Variants in HECTD4 observed in about 807,000 individuals in gnomAD.
The protein encoded by HECTD4 is HECT domain E3 ubiquitin protein ligase 4, also known as probable E3 ubiquitin-protein ligase HECTD4.
HECTD4 carries 114 observed loss-of-function variants against 471.5 expected under a neutral mutation model. The ratio of observed to expected loss-of-function variants is 0.24; its 90% CI spans 0.21 to 0.28. HECTD4 has a LOEUF of 0.28. HECTD4 is among the 10% of genes least tolerant of loss of function. HECTD4 has a pLI of 1.00. For missense variants in HECTD4, 3,866 were observed against 5,651.5 expected (o/e 0.68, Z 10.13); for synonymous variants, 2,012 against 2,256.0 (o/e 0.89, Z 3.07).
chr12:112,272,503 G>A (rs1372261520), intron 11 of HECTD4, among the ~76,000 whole-genome samples: 1 of 152,208 alleles, frequency 6.6e-6, no homozygotes, highest in Non-Finnish European at 1.5e-5. Flanking sequence ...TGTATTTCGG[G>A]AGAAGTGCAG....
At position 112,231,745 on chromosome 12, in the gene HECTD4, T is replaced by C. The variant is rs373686655; in HGVS notation, c.5998-30A>G. On this transcript the variant is annotated intron_variant, in intron 38 of 75. Coordinates refer to ENST00000682272, the MANE Select transcript of HECTD4 (RefSeq NM_001388303.1). ...GGTGAGGTTGAAGACGCTGAGAAGATTCATTTCAGTCTTCCCAGCACTATA... is the reference window on the plus strand; with the variant it reads ...GGTGAGGTTGAAGACGCTGAGAAGACTCATTTCAGTCTTCCCAGCACTATA... 7 of 1,557,728 alleles carry C rather than the reference T, an allele frequency of 4.5e-6. No homozygotes were observed. In the African/African-American group the frequency reaches 5.4e-5, roughly 12 times the overall value.
chr12:112,298,184 T>C (rs768718419), intron 7 of HECTD4, among the ~76,000 whole-genome samples: 5 of 152,078 alleles, frequency 3.3e-5, no homozygotes, highest in Non-Finnish European at 7.4e-5. Context: ...GCCAAAAAAA[T>C]AGAGTGCCTT....
chr12:112,240,298 G>C (rs1189847103), intron 32 of HECTD4, among the ~76,000 whole-genome samples: 1 of 152,180 alleles, frequency 6.6e-6, no homozygotes, highest in Non-Finnish European at 1.5e-5. Flanking sequence ...ACTTTTCAGA[G>C]CCTTCAGTAA....
At position 112,256,674 on chromosome 12, in the gene HECTD4, A is replaced by C. The variant is rs551645848; in HGVS notation, c.3129-156T>G. 3.3e-5 allele frequency: 14 copies of C among 427,080 alleles called. No homozygotes were observed. In the South Asian group the frequency reaches 1.6e-3, roughly 49 times the overall value. The allele number at this position is 427,080 out of a possible 1,614,324, so 26.5% of individuals were successfully genotyped here. On this transcript the variant is annotated intron_variant, in intron 20 of 75. Transcript: ENST00000682272. ...CAGTGGCAATCAGAAACATTTTAAAAATTCCTACATTTAAGGGTTTTTTCT... is the reference window on the plus strand; with the variant it reads ...CAGTGGCAATCAGAAACATTTTAAACATTCCTACATTTAAGGGTTTTTTCT...
chr12:112,229,690 G>T lies in HECTD4; in HGVS notation c.6519+8C>A. ...AAGCAATGATTTGGGGAACATGGTG[G>T]TTGGTACCTGAACCTCGGATCCTAT... On this transcript the variant is annotated splice_region_variant and intron_variant, in intron 41 of 75. Transcript: ENST00000682272. 6.2e-7 allele frequency: 1 copy of T among 1,605,268 alleles called. No individual in the cohort carries two copies. The highest frequency in any genetic ancestry group is 8.5e-7 in the Non-Finnish European group (1 of 1,174,118).
At position 112,179,318 on chromosome 12, in the gene HECTD4, G is replaced by C; in HGVS notation, c.11067C>G (p.Ser3689Arg). The C allele has an allele frequency of 6.2e-7, 1 of 1,613,336 alleles. No homozygotes were observed. The highest frequency in any genetic ancestry group is 8.5e-7 in the Non-Finnish European group (1 of 1,179,624). Residue 3689 changes from serine (S) to arginine (R), a missense_variant, in exon 63 of 76, where the codon AGC (serine) becomes AGG (arginine). Physicochemically the swap from Ser to Arg is moderately radical, Grantham distance 110. Coordinates refer to ENST00000682272, the MANE Select transcript of HECTD4 (RefSeq NM_001388303.1). This position sits in a 1 kb window ranked among gnomAD's most constrained non-coding sequence, Gnocchi z 4.3. ...CTCTGATGGGCTTCGCTGGTGTCAG[G>C]CTCAGCGTCTGCTCTGAATGGGCAC... Reference protein sequence around the residue: ...KSCAHSEQTLSLTPAKPIRVS... With the variant: ...KSCAHSEQTLRLTPAKPIRVS...
At position 112,162,690 on chromosome 12, in the gene HECTD4, G is replaced by C; in HGVS notation, c.13121-167C>G. 1.4e-6 allele frequency: 1 copy of C among 733,386 alleles called. No homozygotes were observed. 45.4% of individuals were successfully genotyped at this position (733,386 alleles called of 1,614,324 possible). ...GCCTGGGAACCTGCGAGATGTTCTT[G>C]GAGGGAAAAGGGGAGAGAGCTGCTG... On this transcript the variant is annotated intron_variant, in intron 75 of 75. Coordinates refer to ENST00000682272, the MANE Select transcript of HECTD4 (RefSeq NM_001388303.1). This position sits in a 1 kb window ranked among gnomAD's most constrained non-coding sequence, Gnocchi z 5.2.
chr12:112,283,199 C>T lies in HECTD4; in HGVS notation c.1439G>A (p.Arg480Lys), dbSNP rs987458686. The T allele has an allele frequency of 6.2e-7, 1 of 1,613,766 alleles. No individual in the cohort carries two copies. Residue 480 changes from arginine to lysine, a missense_variant, in exon 8 of 76, where the codon AGA (arginine) becomes AAA (lysine). Physicochemically the swap from Arg to Lys is conservative, Grantham distance 26 (BLOSUM62 2). This residue lies in a region of HECTD4 where 440 missense variants were observed against 636.0 expected (regional missense o/e 0.69). Transcript: ENST00000682272. ...CGGGGAGGCTCTATACCGAGAAAGT[C>T]TACTTAGAAGCATCTCATTAATGCT... ...AKSINEMLLS[R>K]LSRYRASPSA...
At chr12:112,367,844 A>C (rs892612266) in intron 1 of HECTD4, among the ~76,000 whole-genome samples, 10 of 150,298 alleles carry the variant, frequency 6.7e-5, no homozygotes, top group African/African-American at 9.7e-5. Context: ...AAAAAAAAAA[A>C]AAAACGCTAA....
intron 54 of HECTD4, chr12:112,201,517 A>G (rs1419188880): frequency 6.4e-6 from 1 of 155,930 alleles, no homozygotes; most frequent in Non-Finnish European, 1.4e-5. Flanking sequence ...ACAGGATAAT[A>G]TATACATAAA....
chr12:112,321,575 A>G (rs1462306620), intron 1 of HECTD4, among the ~76,000 whole-genome samples: 2 of 152,240 alleles, frequency 1.3e-5, no homozygotes, highest in Non-Finnish European at 2.9e-5. Flanking sequence ...ACTGACATTA[A>G]GAAAGGTCAT....
At chr12:112,200,860 C>T (rs916841964) in intron 54 of HECTD4, 62 bp from the exon 55 acceptor site, 32 of 1,484,998 alleles carry the variant, frequency 2.2e-5, no homozygotes, top group African/African-American at 2.9e-5. Flanking sequence ...TGTGTGCGTG[C>T]GTGCGTGTGT....
intron 35 of HECTD4, 137 bp downstream of exon 35, chr12:112,236,808 A>T: frequency 1.4e-6 from 1 of 734,562 alleles, no homozygotes; most frequent in East Asian, 3.0e-5. Flanking sequence ...ATCCTCCATT[A>T]TTTTTTTGAG....
intron 8 of HECTD4, among the ~76,000 whole-genome samples, chr12:112,280,812 AGTCTCACT>A (rs1196548592): frequency 3.8e-4 from 50 of 130,412 alleles, no homozygotes; most frequent in Non-Finnish European, 5.0e-4. Context: ...TTTGAGACTG[AGTCTCACT>A]GTTGTCTGCC....
intron 1 of HECTD4, among the ~76,000 whole-genome samples, chr12:112,378,803 G>C (rs2036832855): frequency 6.6e-6 from 1 of 152,128 alleles, no homozygotes; most frequent in South Asian, 2.1e-4. Flanking sequence ...CAGAACTTTG[G>C]GAGGCCGAGG....
At chr12:112,263,898 T>C (rs188818730) in intron 17 of HECTD4, among the ~76,000 whole-genome samples, 186 bp downstream of exon 17, 185 of 152,198 alleles carry the variant, frequency 1.2e-3, no homozygotes, top group South Asian at 6.8e-3. Context: ...ACATTATGAG[T>C]GTCACAAGTA....
intron 7 of HECTD4, chr12:112,301,775 T>C: frequency 1.9e-6 from 1 of 515,068 alleles, no homozygotes; most frequent in Non-Finnish European, 3.5e-6. Flanking sequence ...TTATGTGAAG[T>C]TTTACTCTAT....
At chr12:112,259,055 AT>A in intron 19 of HECTD4, 56 bp downstream of exon 19, 2 of 1,482,560 alleles carry the variant, frequency 1.3e-6, no homozygotes, top group Non-Finnish European at 1.8e-6. Context: ...GCAAACAGCC[AT>A]CCTGTGAAGC....
intron 2 of HECTD4, among the ~76,000 whole-genome samples, chr12:112,317,048 G>C (rs1336007332): frequency 6.6e-6 from 1 of 152,172 alleles, no homozygotes; most frequent in Non-Finnish European, 1.5e-5. Context: ...TGAAACTAAA[G>C]AGTTGATAAT....
Sources: gnomAD v4.1 joint callset for allele counts (sites outside exome capture counted in the v4.1 genomes callset) on GRCh38, gnomAD v4.1.1 for gene constraint, gnomAD v4.1.1 regional missense constraint, Gnocchi (gnomAD v3.1) non-coding constraint, MANE v1.5 for transcripts, NCBI Gene and HGNC (gene_info 2026-07-23, HGNC 2026-07-21) for gene names.